KIAA0825: variants seen among roughly 807,000 people sequenced by gnomAD.
The protein encoded by KIAA0825 is uncharacterized protein KIAA0825.
KIAA0825 carries 119 observed loss-of-function variants against 147.6 expected under a neutral mutation model. That is an observed-to-expected ratio of 0.81 (90% CI 0.69 to 0.94). The LOEUF (loss-of-function observed/expected upper bound fraction) is 0.94, where lower values mean the gene tolerates loss of function less well. KIAA0825 is among the 40% of genes least tolerant of loss of function. The pLI, the probability that KIAA0825 is intolerant of heterozygous loss-of-function variation, is 0.00. For synonymous variants in KIAA0825, 470 were observed against 518.1 expected (o/e 0.91, Z 1.26); for missense variants, 1,381 against 1,472.7 (o/e 0.94, Z 1.02).
At chr5:94,360,890 C>T (rs1744970113) in intron 20 of KIAA0825, among the ~76,000 whole-genome samples, 1 of 152,178 alleles carries the variant, frequency 6.6e-6, no homozygotes, top group Non-Finnish European at 1.5e-5. Context: ...TGGACTCACC[C>T]TGAATTCTTT....
At chr5:94,517,390 A>T (rs2151194345) in intron 5 of KIAA0825, among the ~76,000 whole-genome samples, 1 of 152,270 alleles carries the variant, frequency 6.6e-6, no homozygotes, top group South Asian at 2.1e-4. Flanking sequence ...CATATTAATA[A>T]GTAATCACAT....
chr5:94,371,895 C>T (rs996758255), intron 20 of KIAA0825, among the ~76,000 whole-genome samples: 1 of 152,104 alleles, frequency 6.6e-6, no homozygotes, highest in Non-Finnish European at 1.5e-5. Flanking sequence ...AGCCTATAAG[C>T]CTGTAAAATC....
chr5:94,458,459 C>G (rs1450927938), intron 12 of KIAA0825, among the ~76,000 whole-genome samples: 1 of 152,162 alleles, frequency 6.6e-6, no homozygotes, highest in Non-Finnish European at 1.5e-5. Flanking sequence ...GAACAGGACA[C>G]TAGGTGGAGA....
chr5:94,436,990 G>T (rs1756463533), intron 14 of KIAA0825, among the ~76,000 whole-genome samples: 1 of 152,064 alleles, frequency 6.6e-6, no homozygotes, highest in South Asian at 2.1e-4. Flanking sequence ...CTTTGCTGAG[G>T]TTGCTTATTA....
At chr5:94,390,444 T>C (rs891376215) in intron 18 of KIAA0825, among the ~76,000 whole-genome samples, 8 of 152,194 alleles carry the variant, frequency 5.3e-5, no homozygotes, top group African/African-American at 1.9e-4. Flanking sequence ...GTTTCCCAGA[T>C]AGAAACCCTA....
rs1272429667 is a variant in KIAA0825, at chr5:94,440,135, A to G, written c.2358-14T>C. ...GCTGATGGAGTCCTTTCAAAATGCA[A>G]GATAAAGATGGAGTAATGAAGTTAA... On this transcript the variant is annotated splice_polypyrimidine_tract_variant and intron_variant, in intron 13 of 20. Transcript: ENST00000682413. 1 of 1,550,002 alleles carries G rather than the reference A, an allele frequency of 6.5e-7. No homozygotes were observed. Among genetic ancestry groups the G allele is most frequent in the African/African-American group, 1.4e-5 (1 of 72,950 alleles).
At chr5:94,330,329 C>CA (rs1781143629) in intron 20 of KIAA0825, among the ~76,000 whole-genome samples, 2 of 152,022 alleles carry the variant, frequency 1.3e-5, no homozygotes, top group African/African-American at 4.8e-5. Context: ...GGCCGTATAA[C>CA]AAAATGTAAC....
intron 20 of KIAA0825, among the ~76,000 whole-genome samples, chr5:94,345,720 G>A (rs1782904219): frequency 6.6e-6 from 1 of 151,716 alleles, no homozygotes. Context: ...ATCTGCTATT[G>A]TAGCAGGACA....
chr5:94,414,646 A>G (rs1694802357), intron 15 of KIAA0825: 1 of 152,262 alleles, frequency 6.6e-6, no homozygotes, highest in African/African-American at 2.4e-5. Context: ...TCATAAAAGT[A>G]GTGTCTCAAA....
chr5:94,505,021 C>T (rs1765575055), intron 5 of KIAA0825, among the ~76,000 whole-genome samples: 3 of 151,354 alleles, frequency 2.0e-5, no homozygotes, highest in Admixed American at 1.3e-4. Flanking sequence ...ACTGGGATTA[C>T]AGGCATGAGC....
chr5:94,560,655 T>C (rs540249197), intron 2 of KIAA0825, among the ~76,000 whole-genome samples: 2 of 152,348 alleles, frequency 1.3e-5, no homozygotes, highest in Non-Finnish European at 2.9e-5. Flanking sequence ...CTGTTTTAAA[T>C]GGTCACCAAG....
chr5:94,303,716 A>G (rs888860747), intron 20 of KIAA0825, among the ~76,000 whole-genome samples: 1 of 152,130 alleles, frequency 6.6e-6, no homozygotes, highest in African/African-American at 2.4e-5. Flanking sequence ...CAATTCTAAC[A>G]TAATTAGTAA....
At chr5:94,394,478 C>G (rs576042203) in intron 17 of KIAA0825, among the ~76,000 whole-genome samples, 1 of 152,008 alleles carries the variant, frequency 6.6e-6, no homozygotes, top group Non-Finnish European at 1.5e-5. Context: ...GACAACTCCC[C>G]GTATAGGAGA....
At chr5:94,181,786 A>C (rs1769641172) in intron 20 of KIAA0825, among the ~76,000 whole-genome samples, 1 of 152,226 alleles carries the variant, frequency 6.6e-6, no homozygotes, top group Non-Finnish European at 1.5e-5. Context: ...TCGATTTCAT[A>C]GTTTAACTAT....
chr5:94,187,406 T>G (rs1253296167), intron 20 of KIAA0825, among the ~76,000 whole-genome samples: 3 of 148,750 alleles, frequency 2.0e-5, no homozygotes, highest in Non-Finnish European at 3.0e-5. Context: ...AAAGGAGTTT[T>G]TTTTTTTTTT....
intron 20 of KIAA0825, among the ~76,000 whole-genome samples, chr5:94,306,846 TAGAA>T (rs916844475): frequency 1.3e-5 from 2 of 151,768 alleles, no homozygotes; most frequent in Admixed American, 1.3e-4. Context: ...GAGAGAAAAA[TAGAA>T]AGAACACATG....
chr5:94,173,523 C>T (rs1032738406), intron 20 of KIAA0825, among the ~76,000 whole-genome samples: 5 of 152,094 alleles, frequency 3.3e-5, no homozygotes, highest in African/African-American at 9.7e-5. Flanking sequence ...GGCAGCTCCC[C>T]GTTGTTTGGA....
intron 20 of KIAA0825, among the ~76,000 whole-genome samples, chr5:94,373,755 C>T (rs1747101581): frequency 6.6e-6 from 1 of 152,044 alleles, no homozygotes; most frequent in Non-Finnish European, 1.5e-5. Context: ...ATAAATGTTA[C>T]TACATAAAAT....
intron 20 of KIAA0825, among the ~76,000 whole-genome samples, chr5:94,185,704 A>G (rs535774353): frequency 6.6e-6 from 1 of 152,308 alleles, no homozygotes; most frequent in South Asian, 2.1e-4. Context: ...ATATATAAAA[A>G]TTCCTAGTTC....
Sources: allele counts gnomAD v4.1 joint callset (sites outside exome capture counted in the v4.1 genomes callset), GRCh38; gene constraint gnomAD v4.1.1; transcripts MANE v1.5; gene names NCBI Gene and HGNC (gene_info 2026-07-23, HGNC 2026-07-21).